The following BMPR1B variants were observed in gnomAD, a reference collection of about 807,000 sequenced individuals.
BMPR1B encodes the protein bone morphogenetic protein receptor type-1B.
Under a neutral mutation model 59.1 loss-of-function variants are expected in BMPR1B, and 12 were observed. That is an observed-to-expected ratio of 0.20 (90% confidence interval 0.13 to 0.33). BMPR1B has a LOEUF of 0.33. Among genes scored for constraint, BMPR1B ranks in the 10% least tolerant of loss-of-function variants. The probability of loss-of-function intolerance (pLI) is 1.00; values close to 1 mark genes in which losing one functional copy is unlikely to be tolerated. For synonymous variants in BMPR1B, 237 were observed against 207.3 expected, an observed-to-expected ratio of 1.14 and a Z score of -1.23; for missense variants, 550 against 610.9, an observed-to-expected ratio of 0.90 and a Z score of 1.05.
chr4:94,822,506 G>A (rs967173114), intron 1 of BMPR1B, among the ~76,000 whole-genome samples: 5 of 152,102 alleles, frequency 3.3e-5, no homozygotes, highest in Non-Finnish European at 5.9e-5. Context: ...AAAGAATGAG[G>A]AGCAAAATGG....
chr4:95,061,208 CACCA>C lies in BMPR1B; in HGVS notation c.-17-43199_-17-43196del, dbSNP rs1259847435. ...ACACACACACACACACACACACACACACCACACACCCCTCCATTGAATATACATA... is the reference window on the plus strand; with the variant it reads ...ACACACACACACACACACACACACACCACACCCCTCCATTGAATATACATA... On this transcript the variant is annotated intron_variant, in intron 3 of 12. Coordinates refer to ENST00000515059, the MANE Select transcript of BMPR1B (RefSeq NM_001203.3). 5.1e-3 allele frequency among the ~76,000 whole-genome samples: 690 copies of C among 134,598 alleles called. 2 individuals are homozygous for C. The highest frequency in any genetic ancestry group is 0.015 in the Middle Eastern group (4 of 268). 88.3% of individuals were successfully genotyped at this position (134,598 alleles called of 152,430 possible). A position where few individuals can be genotyped will look rare whatever the true frequency, so the allele number is the denominator to read the frequency against.
chr4:94,823,174 T>C (rs757895082), intron 1 of BMPR1B, among the ~76,000 whole-genome samples: 2 of 152,220 alleles, frequency 1.3e-5, no homozygotes, highest in African/African-American at 4.8e-5. Context: ...CTTGAGGTGC[T>C]CTTTCTCACT....
At chr4:95,061,420 T>C (rs983567974) in intron 3 of BMPR1B, among the ~76,000 whole-genome samples, 1 of 152,144 alleles carries the variant, frequency 6.6e-6, no homozygotes, top group African/African-American at 2.4e-5. Context: ...AAAAGGAATT[T>C]CCTTTCAAGT....
chr4:95,131,163 T>C, intron 9 of BMPR1B, 52 bp from the exon 10 acceptor site: 1 of 1,528,626 alleles, frequency 6.5e-7, no homozygotes, highest in Non-Finnish European at 9.0e-7. Flanking sequence ...ATATGAATTA[T>C]TCCTGATACT....
chr4:95,123,282 C>T (rs1039891570), intron 6 of BMPR1B, among the ~76,000 whole-genome samples: 2 of 152,092 alleles, frequency 1.3e-5, no homozygotes, highest in African/African-American at 4.8e-5. Flanking sequence ...AAACAACGCA[C>T]AACCATATAT....
At chr4:95,106,962 G>A (rs1731238560) in intron 4 of BMPR1B, among the ~76,000 whole-genome samples, 1 of 151,682 alleles carries the variant, frequency 6.6e-6, no homozygotes, top group Non-Finnish European at 1.5e-5. Flanking sequence ...AGCTACCCAA[G>A]GCATATTGTT....
At chr4:94,954,277 C>A (rs12642960) in intron 2 of BMPR1B, among the ~76,000 whole-genome samples, 1 of 152,124 alleles carries the variant, frequency 6.6e-6, no homozygotes, top group South Asian at 2.1e-4. Flanking sequence ...TTTCCTGATT[C>A]TTTTCTCTCC....
chr4:95,033,756 T>C (rs1725043082), intron 3 of BMPR1B, among the ~76,000 whole-genome samples: 1 of 152,122 alleles, frequency 6.6e-6, no homozygotes, highest in African/African-American at 2.4e-5. Flanking sequence ...AGAAAGAAGA[T>C]ACCTGCAATG....
intron 3 of BMPR1B, among the ~76,000 whole-genome samples, chr4:95,023,174 T>C (rs1364361610): frequency 1.3e-5 from 2 of 152,152 alleles, no homozygotes; most frequent in South Asian, 2.1e-4. Context: ...TAAACACATA[T>C]CCACCCAAAG....
chr4:94,827,137 T>TC (rs1260364699), intron 1 of BMPR1B, among the ~76,000 whole-genome samples: 2 of 152,000 alleles, frequency 1.3e-5, no homozygotes, highest in Admixed American at 6.6e-5. Context: ...TCATTCCTCA[T>TC]CCCCCTCTGT....
intron 1 of BMPR1B, among the ~76,000 whole-genome samples, chr4:94,841,980 C>T (rs12500280): frequency 0.61 from 92,892 of 151,534 alleles, 29,430 homozygotes; most frequent in African/African-American, 0.78. Context: ...TAACATGGAT[C>T]CCCAGTGGAA....
intron 1 of BMPR1B, among the ~76,000 whole-genome samples, chr4:94,768,938 A>G (rs755379137): frequency 3.3e-5 from 5 of 152,178 alleles, no homozygotes; most frequent in Non-Finnish European, 5.9e-5. Context: ...ATTCCTTTAT[A>G]TAATCTCTTT....
intron 1 of BMPR1B, among the ~76,000 whole-genome samples, chr4:94,845,332 C>A (rs1315603970): frequency 6.9e-6 from 1 of 144,134 alleles, no homozygotes; most frequent in East Asian, 2.0e-4. Flanking sequence ...CTGACAATAA[C>A]CAAGGAAATT....
intron 3 of BMPR1B, among the ~76,000 whole-genome samples, chr4:95,051,356 C>T (rs1221919916): frequency 6.6e-6 from 1 of 152,094 alleles, no homozygotes; most frequent in Non-Finnish European, 1.5e-5. Flanking sequence ...TCATAGCTGC[C>T]CGAGAGATTT....
At chr4:94,929,400 TC>T (rs1560552138) in intron 2 of BMPR1B, among the ~76,000 whole-genome samples, 2 of 152,106 alleles carry the variant, frequency 1.3e-5, no homozygotes, top group Non-Finnish European at 2.9e-5. Context: ...ACTTCTGTTA[TC>T]ATCTCTCTGC....
chr4:94,774,230 A>G lies in BMPR1B; in HGVS notation c.-183+16162A>G, dbSNP rs988440930. ...TCAAGCTAACTAAAATACAATTGAG[A>G]GGACAGATAATCAAAGCCCCTGGTA... On this transcript the variant is annotated intron_variant, in intron 1 of 12. Transcript: ENST00000515059. Among the ~76,000 whole-genome samples the G allele has an allele frequency of 6.6e-5, 10 of 152,096 alleles. No individual in the cohort carries two copies. The South Asian group carries it at 1.9e-3, about 28-fold the overall frequency.
At chr4:95,114,594 C>G (rs1352061136) in intron 4 of BMPR1B, 126 bp from the exon 5 acceptor site, 7 of 859,238 alleles carry the variant, frequency 8.1e-6, no homozygotes, top group Non-Finnish European at 1.4e-5. Context: ...TTGACATTCT[C>G]CTTGTTGCAA....
intron 1 of BMPR1B, among the ~76,000 whole-genome samples, chr4:94,875,067 A>G (rs1726668491): frequency 6.6e-6 from 1 of 152,084 alleles, no homozygotes; most frequent in African/African-American, 2.4e-5. Flanking sequence ...ACATCCCCAA[A>G]CTGTAAGTCT....
intron 3 of BMPR1B, among the ~76,000 whole-genome samples, chr4:95,078,051 C>T (rs550272539): frequency 2.0e-5 from 3 of 152,244 alleles, no homozygotes; most frequent in East Asian, 3.9e-4. Flanking sequence ...CTGTTCTCCA[C>T]GTTGGTTCTT....
Sources: allele counts gnomAD v4.1 joint callset (sites outside exome capture counted in the v4.1 genomes callset), GRCh38; gene constraint gnomAD v4.1.1; transcripts MANE v1.5; gene names NCBI Gene and HGNC (gene_info 2026-07-23, HGNC 2026-07-21).